SCNN1A: variants seen among roughly 807,000 people sequenced by gnomAD.
SCNN1A encodes sodium channel epithelial 1 subunit alpha.
A neutral mutation model predicts 68.6 loss-of-function variants in SCNN1A; 65 were observed. The ratio of observed to expected loss-of-function variants is 0.95; its 90% CI spans 0.78 to 1.16. SCNN1A has a LOEUF of 1.16. Among genes scored for constraint, SCNN1A ranks in the 50% most tolerant of loss-of-function variants. The probability of loss-of-function intolerance (pLI) is 0.00; values close to 1 mark genes in which losing one functional copy is unlikely to be tolerated. For missense variants in SCNN1A, 880 were observed against 865.9 expected, an observed-to-expected ratio of 1.02 and a Z score of -0.20; for synonymous variants, 357 against 353.3, an observed-to-expected ratio of 1.01 and a Z score of -0.12.
intron 3 of SCNN1A, 145 bp from the exon 4 acceptor site, chr12:6,362,386 A>G: frequency 1.3e-6 from 1 of 764,416 alleles, no homozygotes; most frequent in South Asian, 1.4e-5. Flanking sequence ...ACAGAAGTGG[A>G]AGAGAAGCAG....
At chr12:6,353,832 G>T (rs565455115) in intron 8 of SCNN1A, 1 of 146,502 alleles carries the variant, frequency 6.8e-6, no homozygotes, top group Non-Finnish European at 1.5e-5. Context: ...CTCGTGATCC[G>T]CCCGCCGTGG....
At chr12:6,375,905 G>A (rs560989718), upstream of SCNN1A, 9 of 1,211,728 alleles carry the variant, frequency 7.4e-6, no homozygotes, top group Admixed American at 2.9e-4. Flanking sequence ...AGACAATAGA[G>A]AGGGACAGCG....
rs1948616398 is a variant in SCNN1A at position 6,363,428 on chromosome 12, C to T, written c.684+15G>A. On this transcript the variant is annotated intron_variant, in intron 3 of 12. Coordinates refer to ENST00000228916, the MANE Select transcript of SCNN1A (RefSeq NM_001038.6). ...GCGAGGGGCGGGGCGGGCCCCTCGG[C>T]GCTGCGGGCCTCACCAGCTGGAAGC... is the stretch of plus-strand genomic sequence containing the variant. 6 of 1,527,576 alleles carry T rather than the reference C, an allele frequency of 3.9e-6. No individual in the cohort carries two copies. The highest frequency in any genetic ancestry group is 1.2e-5 in the South Asian group (1 of 80,412). The allele number at this position is 1,527,576 out of a possible 1,614,324, so 94.6% of individuals were successfully genotyped here. A position where few individuals can be genotyped will look rare whatever the true frequency, so the allele number is the denominator to read the frequency against.
upstream of SCNN1A, chr12:6,375,608 G>C (rs1427130552): frequency 3.4e-6 from 4 of 1,177,850 alleles, no homozygotes; most frequent in Non-Finnish European, 4.8e-6. Context: ...AGCAGGGCGG[G>C]GGGAGGGGCT....
At chr12:6,365,300 A>C (rs1353944877) in intron 2 of SCNN1A, among the ~76,000 whole-genome samples, 2 of 152,188 alleles carry the variant, frequency 1.3e-5, no homozygotes, top group African/African-American at 4.8e-5. Context: ...TGCAGGCGTG[A>C]GCCACTCACT....
chr12:6,374,671 G>A lies in SCNN1A; in HGVS notation c.113C>T (p.Pro38Leu), dbSNP rs1948864639. 6.2e-7 allele frequency: 1 copy of A among 1,613,744 alleles called. No homozygotes were observed. Among genetic ancestry groups the A allele is most frequent in the African/African-American group, 1.3e-5 (1 of 74,922 alleles). ...CTCCTCCTCCGCCGTGGGCTGCTGG[G>A]GCGCCGCAGGTTCGGGGCCCAGCCC... ...EQGLGPEPAA[P>L]QQPTAEEEAL... Residue 38 changes from proline (P) to leucine (L), a missense_variant, in exon 2 of 13, where the codon CCC (proline) becomes CTC (leucine). By Grantham distance (98) the Pro-to-Leu change is moderately conservative (BLOSUM62 -3). Transcript: ENST00000228916. This position sits in a 1 kb window ranked among gnomAD's most constrained non-coding sequence, Gnocchi z 6.2.
chr12:6,354,879 G>C (rs1400646029), intron 6 of SCNN1A, 31 bp from the exon 7 acceptor site: 2 of 1,572,952 alleles, frequency 1.3e-6, no homozygotes, highest in Admixed American at 3.3e-5. Flanking sequence ...AGAGATCAGA[G>C]GACAGAGCAA....
At chr12:6,350,386 C>G (rs1196955507) in intron 8 of SCNN1A, among the ~76,000 whole-genome samples, 1 of 149,130 alleles carries the variant, frequency 6.7e-6, no homozygotes, top group Admixed American at 6.7e-5. Context: ...GAGCCGAGAT[C>G]GCGCCATTGC....
At chr12:6,365,547 T>C (rs1030103151) in intron 2 of SCNN1A, among the ~76,000 whole-genome samples, 1 of 152,228 alleles carries the variant, frequency 6.6e-6, no homozygotes. Context: ...AATAAACTCA[T>C]GCATAGATGG....
chr12:6,350,225 G>T (rs1948357678), intron 8 of SCNN1A, among the ~76,000 whole-genome samples: 1 of 149,234 alleles, frequency 6.7e-6, no homozygotes, highest in South Asian at 2.1e-4. Flanking sequence ...GAGGTCAAGA[G>T]ATCGAGACCA....
At chr12:6,349,737 T>A in intron 8 of SCNN1A, 1 of 256,384 alleles carries the variant, frequency 3.9e-6, no homozygotes, top group Non-Finnish European at 7.8e-6. Context: ...ATAAATTAAT[T>A]TTTTTTTTAG....
At chr12:6,373,199 C>T (rs1368847651) in intron 2 of SCNN1A, among the ~76,000 whole-genome samples, 5 of 151,998 alleles carry the variant, frequency 3.3e-5, no homozygotes, top group Admixed American at 3.3e-4. Context: ...CACCTTTGGA[C>T]ATGATGGAAT....
At chr12:6,365,138 G>A (rs539527478) in intron 2 of SCNN1A, among the ~76,000 whole-genome samples, 3 of 150,848 alleles carry the variant, frequency 2.0e-5, no homozygotes, top group South Asian at 4.2e-4. Flanking sequence ...TCCCGCCTCA[G>A]CCTCCCTAGT....
chr12:6,355,536 G>A (rs920433828), intron 5 of SCNN1A, 101 bp from the exon 6 acceptor site: 139 of 1,397,502 alleles, frequency 9.9e-5, no homozygotes, highest in Non-Finnish European at 1.3e-4. Flanking sequence ...CTCTAAAGCT[G>A]CAAGAGAAGC....
rs1366847200 is a variant in SCNN1A, at chr12:6,375,130, C to T, written c.-54-293G>A. The stretch of plus-strand genomic sequence containing the variant: ...CCTTTCGAGTTTTGTCCTAGCACCT[C>T]CCTTTCTGTCTCTGCCCCCTTCCTT... On this transcript the variant is annotated intron_variant, in intron 1 of 12. Coordinates refer to ENST00000228916, the MANE Select transcript of SCNN1A (RefSeq NM_001038.6). 6.1e-6 allele frequency: 9 copies of T among 1,481,246 alleles called. No homozygotes were observed. The East Asian group carries it at 1.7e-4, about 29-fold the overall frequency. 91.8% of individuals were successfully genotyped at this position (1,481,246 alleles called of 1,614,324 possible).
intron 8 of SCNN1A, among the ~76,000 whole-genome samples, chr12:6,352,320 G>C (rs1185893522): frequency 6.6e-6 from 1 of 152,032 alleles, no homozygotes; most frequent in Non-Finnish European, 1.5e-5. Context: ...TGTCATTATT[G>C]CTACTTTTAG....
Position 6,363,592 on chromosome 12 carries a change from C to T in SCNN1A, c.535G>A (p.Asp179Asn), listed in dbSNP as rs1301066039. The T allele has an allele frequency of 1.3e-5, 21 of 1,611,996 alleles. No homozygotes were observed. The highest frequency in any genetic ancestry group is 1.6e-5 in the Non-Finnish European group (19 of 1,179,206). The change falls in exon 3 of 13, where the codon GAC becomes AAC. Residue 179 changes from aspartate to asparagine, a missense_variant. This residue lies in a region of SCNN1A where 758 missense variants were observed against 721.8 expected (regional missense o/e 1.05). Transcript: ENST00000228916. ...GGGTGCGGCAGAGTCCCCCGCAGGT[C>T]GCGACGGCTGCGGGAGCCGGCCACG... ...TLVAGSRSRR[D>N]LRGTLPHPLQ...
chr12:6,368,078 C>G (rs10774426), intron 2 of SCNN1A, among the ~76,000 whole-genome samples: 1 of 152,068 alleles, frequency 6.6e-6, no homozygotes, highest in Non-Finnish European at 1.5e-5. Context: ...TAGCGTTTAT[C>G]GAGCACTTAT....
chr12:6,365,296 C>T (rs1347338159), intron 2 of SCNN1A, among the ~76,000 whole-genome samples: 2 of 152,082 alleles, frequency 1.3e-5, no homozygotes, highest in Non-Finnish European at 2.9e-5. Flanking sequence ...GGATTGCAGG[C>T]GTGAGCCACT....
Sources: gnomAD v4.1 joint callset for allele counts (sites outside exome capture counted in the v4.1 genomes callset) on GRCh38, gnomAD v4.1.1 for gene constraint, gnomAD v4.1.1 regional missense constraint, Gnocchi (gnomAD v3.1) non-coding constraint, MANE v1.5 for transcripts, NCBI Gene and HGNC (gene_info 2026-07-23, HGNC 2026-07-21) for gene names.